Variants in TAOK1 observed in about 807,000 individuals in gnomAD.
TAOK1 encodes serine/threonine-protein kinase TAO1.
In TAOK1, 21 loss-of-function variants were observed where a neutral mutation model predicts 138.3. That is an observed-to-expected ratio of 0.15 (90% CI 0.11 to 0.22). The LOEUF (loss-of-function observed/expected upper bound fraction) is 0.22, where lower values mean the gene tolerates loss of function less well. Among genes scored for constraint, TAOK1 ranks in the 10% least tolerant of loss-of-function variants. The pLI, the probability that TAOK1 is intolerant of heterozygous loss-of-function variation, is 1.00. For missense variants in TAOK1, 651 were observed against 1,227.7 expected (o/e 0.53, Z 7.02); for synonymous variants, 361 against 398.4 (o/e 0.91, Z 1.12).
chr17:29,432,137 T>A (rs1389509393), intron 1 of TAOK1, among the ~76,000 whole-genome samples: 1 of 152,204 alleles, frequency 6.6e-6, no homozygotes, highest in Non-Finnish European at 1.5e-5. Context: ...CCTTCAGAGC[T>A]GAGAGCCTCA....
At chr17:29,422,498 G>A (rs1905484311) in intron 1 of TAOK1, among the ~76,000 whole-genome samples, 1 of 152,070 alleles carries the variant, frequency 6.6e-6, no homozygotes, top group African/African-American at 2.4e-5. Flanking sequence ...CATTACAGGC[G>A]TGAGCCACTG....
At chr17:29,501,423 CA>C (rs34004946) in intron 12 of TAOK1, among the ~76,000 whole-genome samples, 48,265 of 108,934 alleles carry the variant, frequency 0.44, 9,147 homozygotes, top group Middle Eastern at 0.53. Context: ...GACCCTGTCT[CA>C]AAAAAAAAAA....
At chr17:29,530,046 A>G (rs764935447) in intron 17 of TAOK1, among the ~76,000 whole-genome samples, 7 of 152,144 alleles carry the variant, frequency 4.6e-5, no homozygotes, top group Non-Finnish European at 7.3e-5. Flanking sequence ...AAGAAAAAGA[A>G]AAAGAAAAAA....
At chr17:29,460,573 AG>A (rs1187194220) in intron 2 of TAOK1, among the ~76,000 whole-genome samples, 1 of 152,182 alleles carries the variant, frequency 6.6e-6, no homozygotes, top group Non-Finnish European at 1.5e-5. Flanking sequence ...ATGTAATGGG[AG>A]AAAAGAAAGA....
intron 2 of TAOK1, among the ~76,000 whole-genome samples, chr17:29,466,151 C>A (rs1330887557): frequency 6.6e-6 from 1 of 151,788 alleles, no homozygotes; most frequent in African/African-American, 2.4e-5. Flanking sequence ...TTTTGCATTC[C>A]TGTGTGTTTT....
rs1041037712 is a variant in TAOK1 at position 29,550,269 on chromosome 17, G to A, written c.*7247G>A. On this transcript the variant is annotated 3_prime_UTR_variant, in exon 20 of 20. Transcript: ENST00000261716. ...GAACTCTTTTGCAAAAGCAATGGTCGGATGTAAATAACATTTAAAGTATAG... is the reference window on the plus strand; with the variant it reads ...GAACTCTTTTGCAAAAGCAATGGTCAGATGTAAATAACATTTAAAGTATAG... 1 of 152,074 alleles carries A rather than the reference G, an allele frequency of 6.6e-6. No individual in the cohort carries two copies. The highest frequency in any genetic ancestry group is 2.4e-5 in the African/African-American group (1 of 41,416). 9.4% of individuals were successfully genotyped at this position (152,074 alleles called of 1,614,324 possible). A position where few individuals can be genotyped will look rare whatever the true frequency, so the allele number is the denominator to read the frequency against.
At chr17:29,416,625 G>A (rs1475893374) in intron 1 of TAOK1, among the ~76,000 whole-genome samples, 2 of 152,136 alleles carry the variant, frequency 1.3e-5, no homozygotes, top group Non-Finnish European at 2.9e-5. Context: ...ATTGCAAGCC[G>A]AAACTATGTA....
At chr17:29,524,785 C>T (rs2031980436) in intron 17 of TAOK1, among the ~76,000 whole-genome samples, 1 of 152,042 alleles carries the variant, frequency 6.6e-6, no homozygotes, top group South Asian at 2.1e-4. Context: ...GCAGTTGGAA[C>T]ATTTTATTTA....
chr17:29,502,285 C>T (rs1320985900), intron 12 of TAOK1, among the ~76,000 whole-genome samples: 2 of 152,182 alleles, frequency 1.3e-5, no homozygotes, highest in East Asian at 3.8e-4. Context: ...ATAAAATTAG[C>T]CTGGCCTGAT....
intron 13 of TAOK1, among the ~76,000 whole-genome samples, chr17:29,506,169 T>C (rs569942027): frequency 2.2e-4 from 33 of 152,240 alleles, no homozygotes; most frequent in African/African-American, 8.0e-4. Context: ...CACTCCCATG[T>C]TCATTGCAGC....
chr17:29,395,305 C>T (rs540840329), intron 1 of TAOK1, among the ~76,000 whole-genome samples: 6 of 150,768 alleles, frequency 4.0e-5, no homozygotes, highest in African/African-American at 7.3e-5. Flanking sequence ...CCAAGGTGGG[C>T]GGATCACCTG....
chr17:29,416,672 T>A (rs573703726), intron 1 of TAOK1, among the ~76,000 whole-genome samples: 1 of 152,298 alleles, frequency 6.6e-6, no homozygotes, highest in Non-Finnish European at 1.5e-5. Flanking sequence ...TTTAAAACTT[T>A]GCTGAGTAAA....
At chr17:29,491,653 G>C in intron 9 of TAOK1, 131 bp from the exon 10 acceptor site, 1 of 658,514 alleles carries the variant, frequency 1.5e-6, no homozygotes, top group Non-Finnish European at 2.7e-6. Context: ...ATATGAAACT[G>C]TATAGTCTCT....
chr17:29,416,377 TAGAG>T (rs1905265027), intron 1 of TAOK1, among the ~76,000 whole-genome samples: 2 of 152,116 alleles, frequency 1.3e-5, no homozygotes, highest in South Asian at 4.1e-4. Flanking sequence ...TTTCAACGCA[TAGAG>T]AGAAATAGTC....
chr17:29,467,399 G>A (rs1389268235), intron 3 of TAOK1, among the ~76,000 whole-genome samples, 183 bp downstream of exon 3: 2 of 151,780 alleles, frequency 1.3e-5, no homozygotes, highest in East Asian at 1.9e-4. Flanking sequence ...TCAGCCTCCC[G>A]AGTAGCTGGG....
chr17:29,468,135 A>ATTTTTTTTTTGTTTTTTTTTTT (rs2030721346), intron 3 of TAOK1, among the ~76,000 whole-genome samples: 1 of 76,058 alleles, frequency 1.3e-5, no homozygotes, highest in African/African-American at 5.5e-5. Flanking sequence ...CCTGCTTTCA[A>ATTTTTTTTTTGTTTTTTTTTTT]TTTTTTTTTT....
intron 9 of TAOK1, among the ~76,000 whole-genome samples, chr17:29,491,451 T>C (rs938972029): frequency 6.6e-6 from 1 of 151,302 alleles, no homozygotes; most frequent in Non-Finnish European, 1.5e-5. Context: ...AAAAGGAAAA[T>C]AGAAAGGAAT....
intron 13 of TAOK1, among the ~76,000 whole-genome samples, chr17:29,505,273 T>C (rs947918725): frequency 3.9e-5 from 6 of 152,128 alleles, no homozygotes; most frequent in African/African-American, 1.4e-4. Flanking sequence ...GGTATTCAAT[T>C]TGAAGAGTTT....
chr17:29,480,525 C>G, intron 7 of TAOK1, 44 bp downstream of exon 7: 2 of 1,482,836 alleles, frequency 1.3e-6, no homozygotes, highest in South Asian at 1.2e-5. Flanking sequence ...AAGTGTCTGT[C>G]TATGTTTAAC....
Sources: gnomAD v4.1 joint callset for allele counts (sites outside exome capture counted in the v4.1 genomes callset) on GRCh38, gnomAD v4.1.1 for gene constraint, MANE v1.5 for transcripts, NCBI Gene and HGNC (gene_info 2026-07-23, HGNC 2026-07-21) for gene names.